Variants in VKORC1L1 observed in about 807,000 individuals in gnomAD.
VKORC1L1 encodes vitamin K epoxide reductase complex subunit 1-like protein 1.
A neutral mutation model predicts 18.9 loss-of-function variants in VKORC1L1; 2 were observed. That is an observed-to-expected ratio of 0.11 (90% CI 0.04 to 0.33). The LOEUF is 0.33. Among genes scored for constraint, VKORC1L1 ranks in the 10% least tolerant of loss-of-function variants. VKORC1L1 has a pLI of 1.00. For synonymous variants in VKORC1L1, 96 were observed against 100.0 expected (o/e 0.96, Z 0.24); for missense variants, 123 against 224.1 (o/e 0.55, Z 2.88).
At position 65,954,070 on chromosome 7, in the gene VKORC1L1, A is replaced by G. The variant is rs1481623957; in HGVS notation, c.305-4A>G. 6.3e-7 allele frequency: 1 copy of G among 1,590,116 alleles called. No homozygotes were observed. The highest frequency in any genetic ancestry group is 8.6e-7 in the Non-Finnish European group (1 of 1,162,628). On this transcript the variant is annotated splice_region_variant and splice_polypyrimidine_tract_variant and intron_variant, in intron 2 of 2. Transcript: ENST00000360768. Reference sequence around the variant, plus strand: ...TGACTGAGCCTGCGTCTCTTCTCTTACAGGCATGACAGCAAGCGCTGTGGC... The same window carrying G: ...TGACTGAGCCTGCGTCTCTTCTCTTGCAGGCATGACAGCAAGCGCTGTGGC...
At chr7:65,919,006 AATT>A (rs1458350229) in intron 1 of VKORC1L1, among the ~76,000 whole-genome samples, 3 of 152,170 alleles carry the variant, frequency 2.0e-5, no homozygotes, top group Non-Finnish European at 1.5e-5. Flanking sequence ...GAGGCACAAG[AATT>A]GCTTGAATCC....
chr7:65,931,981 T>G (rs1001034080), intron 1 of VKORC1L1, among the ~76,000 whole-genome samples: 1 of 152,172 alleles, frequency 6.6e-6, no homozygotes, highest in African/African-American at 2.4e-5. Flanking sequence ...AACCAGCCTT[T>G]GGTTTCATTT....
At chr7:65,932,583 T>C (rs1380582477) in intron 1 of VKORC1L1, among the ~76,000 whole-genome samples, 1 of 152,280 alleles carries the variant, frequency 6.6e-6, no homozygotes, top group Non-Finnish European at 1.5e-5. Context: ...TCCTCTTTGA[T>C]CCATGAATCT....
intron 1 of VKORC1L1, among the ~76,000 whole-genome samples, chr7:65,944,239 G>A (rs1232202617): frequency 6.6e-6 from 1 of 152,028 alleles, no homozygotes; most frequent in Non-Finnish European, 1.5e-5. Flanking sequence ...GTGGTGGTGG[G>A]AGCCTGTAAT....
At chr7:65,890,124 A>ATTTTTT (rs35228954) in intron 1 of VKORC1L1, among the ~76,000 whole-genome samples, 2 of 90,474 alleles carry the variant, frequency 2.2e-5, no homozygotes, top group Non-Finnish European at 4.4e-5. Flanking sequence ...CACCTGGGTA[A>ATTTTTT]TTTTTTTTTT....
chr7:65,875,241 A>G (rs1788806804), intron 1 of VKORC1L1, among the ~76,000 whole-genome samples: 1 of 152,198 alleles, frequency 6.6e-6, no homozygotes, highest in Non-Finnish European at 1.5e-5. Context: ...CTACCCATTT[A>G]ATAAATGAAT....
the VKORC1L1 span, among the ~76,000 whole-genome samples, chr7:65,867,295 C>G: frequency 1.3e-5 from 2 of 152,104 alleles, no homozygotes; most frequent in African/African-American, 4.8e-5. Flanking sequence ...CTACCTCTCG[C>G]TGGGTCTATG....
chr7:65,952,422 C>T (rs1790226671), intron 2 of VKORC1L1, among the ~76,000 whole-genome samples: 1 of 152,182 alleles, frequency 6.6e-6, no homozygotes, highest in Admixed American at 6.5e-5. Flanking sequence ...ATTTGCTAGT[C>T]CCTGCAACAA....
At chr7:65,935,251 T>G (rs1789924067) in intron 1 of VKORC1L1, among the ~76,000 whole-genome samples, 1 of 151,988 alleles carries the variant, frequency 6.6e-6, no homozygotes, top group African/African-American at 2.4e-5. Flanking sequence ...AAAGAGATCT[T>G]GAGGGATGTA....
chr7:65,872,349 A>G (rs1478805722), upstream of VKORC1L1, among the ~76,000 whole-genome samples: 6 of 150,572 alleles, frequency 4.0e-5, no homozygotes, highest in Admixed American at 4.0e-4. Flanking sequence ...CTCTTACTCT[A>G]TCGCCCAGGC....
chr7:65,885,491 C>T (rs1335695212), intron 1 of VKORC1L1, among the ~76,000 whole-genome samples: 1 of 151,576 alleles, frequency 6.6e-6, no homozygotes, highest in African/African-American at 2.4e-5. Flanking sequence ...AAAATCTCTA[C>T]CATCCCAAGA....
At chr7:65,936,805 C>A (rs1789952100) in intron 1 of VKORC1L1, among the ~76,000 whole-genome samples, 1 of 152,198 alleles carries the variant, frequency 6.6e-6, no homozygotes, top group South Asian at 2.1e-4. Flanking sequence ...GGGTTTCTCT[C>A]AGACAGTTTT....
intron 1 of VKORC1L1, among the ~76,000 whole-genome samples, chr7:65,932,921 T>C (rs1271120772): frequency 1.3e-5 from 2 of 151,852 alleles, no homozygotes; most frequent in Non-Finnish European, 2.9e-5. Context: ...CTACTAAAAA[T>C]ACAAAAATTA....
chr7:65,904,136 A>T (rs555891137), intron 1 of VKORC1L1, among the ~76,000 whole-genome samples: 1 of 152,354 alleles, frequency 6.6e-6, no homozygotes, highest in African/African-American at 2.4e-5. Flanking sequence ...AGGTTTTATA[A>T]CACATGGGAG....
intron 1 of VKORC1L1, among the ~76,000 whole-genome samples, chr7:65,908,624 T>G (rs1441064751): frequency 3.3e-5 from 5 of 151,516 alleles, no homozygotes; most frequent in African/African-American, 4.9e-5. Flanking sequence ...GATCACGAAG[T>G]CAGGAGATGG....
At chr7:65,930,983 T>A (rs1412711720) in intron 1 of VKORC1L1, among the ~76,000 whole-genome samples, 3 of 152,248 alleles carry the variant, frequency 2.0e-5, no homozygotes, top group Admixed American at 6.5e-5. Context: ...ATTGAGATGA[T>A]CATATGGTTT....
chr7:65,935,959 CTTT>C (rs1789935531), intron 1 of VKORC1L1, among the ~76,000 whole-genome samples: 1 of 151,680 alleles, frequency 6.6e-6, no homozygotes, highest in Non-Finnish European at 1.5e-5. Context: ...TAAGATTGTT[CTTT>C]AAGTCTCTAT....
At chr7:65,915,093 C>T (rs138339642) in intron 1 of VKORC1L1, among the ~76,000 whole-genome samples, 1,780 of 123,398 alleles carry the variant, frequency 0.014, 33 homozygotes, top group East Asian at 0.087. Context: ...TTTTTTTTTT[C>T]TTTTTTTTTT....
At chr7:65,885,613 A>T (rs1208860198) in intron 1 of VKORC1L1, among the ~76,000 whole-genome samples, 1 of 151,912 alleles carries the variant, frequency 6.6e-6, no homozygotes, top group Non-Finnish European at 1.5e-5. Context: ...AGGGATCTAA[A>T]TTTTTCCTAA....
Sources: allele counts gnomAD v4.1 joint callset (sites outside exome capture counted in the v4.1 genomes callset), GRCh38; gene constraint gnomAD v4.1.1; transcripts MANE v1.5; gene names NCBI Gene and HGNC (gene_info 2026-07-23, HGNC 2026-07-21).